GRID1: variants seen among roughly 807,000 people sequenced by gnomAD.
GRID1 encodes the protein glutamate receptor ionotropic, delta-1.
In GRID1, 28 loss-of-function variants were observed where a neutral mutation model predicts 98.0. The observed-to-expected ratio is 0.29, with a 90% CI of 0.21 to 0.39. The LOEUF is 0.39. Among genes scored for constraint, GRID1 ranks in the 10% least tolerant of loss-of-function variants. GRID1 has a pLI of 1.00. For missense variants in GRID1, 1,111 were observed against 1,340.5 expected, an observed-to-expected ratio of 0.83 and a Z score of 2.67; for synonymous variants, 553 against 538.5, an observed-to-expected ratio of 1.03 and a Z score of -0.37.
intron 5 of GRID1, among the ~76,000 whole-genome samples, chr10:85,880,687 G>A (rs1169870968): frequency 2.0e-5 from 3 of 151,862 alleles, no homozygotes; most frequent in African/African-American, 7.3e-5. Flanking sequence ...GCAAAAACTG[G>A]AAGCATTCCC....
At chr10:86,335,175 T>C (rs993311246) in intron 2 of GRID1, among the ~76,000 whole-genome samples, 12 of 152,240 alleles carry the variant, frequency 7.9e-5, no homozygotes, top group African/African-American at 2.7e-4. Flanking sequence ...CCGAGTTGAT[T>C]TGCAGCCAGC....
At chr10:85,889,855 AT>A (rs1244698404) in intron 5 of GRID1, among the ~76,000 whole-genome samples, 1 of 152,004 alleles carries the variant, frequency 6.6e-6, no homozygotes, top group Non-Finnish European at 1.5e-5. Context: ...TATCTTTTAT[AT>A]TTTTTATAAT....
chr10:85,730,370 C>G (rs2132659379), intron 8 of GRID1, among the ~76,000 whole-genome samples: 1 of 152,302 alleles, frequency 6.6e-6, no homozygotes. Context: ...AGGGTCTATA[C>G]AACGACAAAA....
intron 1 of GRID1, among the ~76,000 whole-genome samples, chr10:86,364,402 A>G (rs1848646578): frequency 6.6e-6 from 1 of 152,204 alleles, no homozygotes; most frequent in Non-Finnish European, 1.5e-5. Context: ...TGTCCTAGCC[A>G]TGCTCCACAC....
In GRID1 at chr10:86,246,767, T is replaced by C. The variant is rs114605057; in HGVS notation, c.236-40119A>G. 5.9e-3 allele frequency among the ~76,000 whole-genome samples: 895 copies of C among 152,260 alleles called. 7 individuals are homozygous for C. The highest frequency in any genetic ancestry group is 0.021 in the African/African-American group (858 of 41,546). ...AAAGCTTATTCTAGGCCTGGTGTTC[T>C]CACAGCAGCCACCTCTCCAAAGCCA... On this transcript the variant is annotated intron_variant, in intron 2 of 15. Coordinates refer to ENST00000327946, the MANE Select transcript of GRID1 (RefSeq NM_017551.3).
chr10:86,087,908 C>A (rs892493936), intron 4 of GRID1, among the ~76,000 whole-genome samples: 1 of 152,196 alleles, frequency 6.6e-6, no homozygotes, highest in Non-Finnish European at 1.5e-5. Flanking sequence ...GTGCTAGTTC[C>A]TCCCCACCCC....
At chr10:86,069,426 A>G (rs904804968) in intron 4 of GRID1, among the ~76,000 whole-genome samples, 1 of 152,118 alleles carries the variant, frequency 6.6e-6, no homozygotes, top group Non-Finnish European at 1.5e-5. Flanking sequence ...AGGCGGGCGG[A>G]TCATGAGGTC....
intron 2 of GRID1, among the ~76,000 whole-genome samples, chr10:86,327,574 T>G (rs1242042058): frequency 6.6e-6 from 1 of 152,242 alleles, no homozygotes; most frequent in Admixed American, 6.5e-5. Context: ...AGAATGCCAT[T>G]GTTAATTGTG....
chr10:86,220,715 G>C (rs1040492518), intron 2 of GRID1, among the ~76,000 whole-genome samples: 3 of 152,122 alleles, frequency 2.0e-5, no homozygotes, highest in Admixed American at 6.5e-5. Context: ...CATGCTGCAG[G>C]AGCTCTTCTC....
rs571471778 is a variant in GRID1 at position 85,915,519 on chromosome 10, AC to A, written c.780+666del. 9.9e-5 allele frequency among the ~76,000 whole-genome samples: 15 copies of A among 150,868 alleles called. No individual in the cohort carries two copies. The East Asian group carries it at 3.1e-3, about 31-fold the overall frequency. ...CATTTATACATGCACACACACACAG[AC>A]ACACATATACACACACATACACTTG... On this transcript the variant is annotated intron_variant, in intron 5 of 15. Coordinates refer to ENST00000327946, the MANE Select transcript of GRID1 (RefSeq NM_017551.3).
chr10:85,770,417 C>T (rs1842250696), intron 8 of GRID1, among the ~76,000 whole-genome samples: 1 of 152,134 alleles, frequency 6.6e-6, no homozygotes, highest in South Asian at 2.1e-4. Context: ...AAGCAGAGCA[C>T]CTCTCCTCCT....
At chr10:86,182,017 C>T (rs1845662859) in intron 3 of GRID1, among the ~76,000 whole-genome samples, 1 of 152,120 alleles carries the variant, frequency 6.6e-6, no homozygotes, top group African/African-American at 2.4e-5. Context: ...GAGCAAACAA[C>T]AAAAAGTGAA....
intron 2 of GRID1, among the ~76,000 whole-genome samples, chr10:86,232,927 T>C (rs546636803): frequency 6.6e-6 from 1 of 152,270 alleles, no homozygotes; most frequent in East Asian, 1.9e-4. Flanking sequence ...GCAGCCACAT[T>C]TATGTGGCTC....
chr10:86,027,189 T>C (rs1425674137), intron 4 of GRID1, among the ~76,000 whole-genome samples: 1 of 152,244 alleles, frequency 6.6e-6, no homozygotes, highest in Non-Finnish European at 1.5e-5. Flanking sequence ...CAACTGTGTC[T>C]AGTTCTGGAA....
chr10:86,041,981 G>A (rs1428869371), intron 4 of GRID1, among the ~76,000 whole-genome samples: 1 of 152,094 alleles, frequency 6.6e-6, no homozygotes, highest in East Asian at 1.9e-4. Flanking sequence ...GCTTTAACCT[G>A]GGGATTTATT....
At chr10:86,358,631 G>A (rs1025722599) in intron 2 of GRID1, among the ~76,000 whole-genome samples, 4 of 151,816 alleles carry the variant, frequency 2.6e-5, no homozygotes, top group African/African-American at 7.3e-5. Flanking sequence ...GGTGGCGGGC[G>A]CCTGTAGTCC....
intron 4 of GRID1, among the ~76,000 whole-genome samples, chr10:86,009,054 G>A (rs186831263): frequency 1.5e-3 from 225 of 152,202 alleles, no homozygotes; most frequent in African/African-American, 5.0e-3. Flanking sequence ...AAATGCTAAT[G>A]AGCTCTGGCC....
intron 2 of GRID1, among the ~76,000 whole-genome samples, chr10:86,220,056 C>T (rs1367338226): frequency 6.6e-6 from 1 of 152,234 alleles, no homozygotes; most frequent in Non-Finnish European, 1.5e-5. Context: ...ACCTGCACCA[C>T]ACACAGATGT....
At chr10:86,292,679 G>A (rs1847531955) in intron 2 of GRID1, among the ~76,000 whole-genome samples, 1 of 152,146 alleles carries the variant, frequency 6.6e-6, no homozygotes, top group African/African-American at 2.4e-5. Flanking sequence ...GTGGCTGTGT[G>A]TGCAAGTGTG....
Sources: allele counts gnomAD v4.1 joint callset (sites outside exome capture counted in the v4.1 genomes callset), GRCh38; gene constraint gnomAD v4.1.1; transcripts MANE v1.5; gene names NCBI Gene and HGNC (gene_info 2026-07-23, HGNC 2026-07-21).